SBF2: variants seen among roughly 807,000 people sequenced by gnomAD.
SBF2 encodes SET binding factor 2, also known as myotubularin-related protein 13.
Under a neutral mutation model 225.2 loss-of-function variants are expected in SBF2, and 112 were observed. That is an observed-to-expected ratio of 0.50 (90% CI 0.43 to 0.58). SBF2 has a LOEUF of 0.58. SBF2 is among the 20% of genes least tolerant of loss of function. The pLI is 0.00. For missense variants in SBF2, 1,996 were observed against 2,206.2 expected, an observed-to-expected ratio of 0.90 and a Z score of 1.91; for synonymous variants, 763 against 773.3, an observed-to-expected ratio of 0.99 and a Z score of 0.22.
intron 2 of SBF2, among the ~76,000 whole-genome samples, chr11:10,192,200 A>G (rs1339190559): frequency 6.6e-6 from 1 of 152,178 alleles, no homozygotes; most frequent in Admixed American, 6.5e-5. Context: ...GGGGAAAAAG[A>G]GAAAGGAATG....
chr11:10,272,276 T>A lies in SBF2; in HGVS notation c.55+21739A>T, dbSNP rs1489872184. The A allele has an allele frequency of 5.1e-6, 5 of 987,822 alleles. No homozygotes were observed. The East Asian group carries it at 1.5e-4, about 30-fold the overall frequency. The allele number at this position is 987,822 out of a possible 1,614,324, so 61.2% of individuals were successfully genotyped here. A position where few individuals can be genotyped will look rare whatever the true frequency, so the allele number is the denominator to read the frequency against. On this transcript the variant is annotated intron_variant, in intron 1 of 39. Coordinates refer to ENST00000256190, the MANE Select transcript of SBF2 (RefSeq NM_030962.4). ...GGAGGACATGGCGGCGGCGCTGGGC[T>A]CCTAGGGGCTGCAGCAATCTTGATT...
intron 2 of SBF2, among the ~76,000 whole-genome samples, chr11:10,173,663 C>T (rs537098055): frequency 3.6e-4 from 55 of 152,296 alleles, no homozygotes; most frequent in African/African-American, 1.3e-3. Context: ...CCCACCACAA[C>T]TCAAGGAGGC....
At position 9,932,001 on chromosome 11, in the gene SBF2, C is replaced by T. The variant is rs112752316; in HGVS notation, c.1860+29956G>A. ...TGACGCATGCACAAGCTTCAATACC[C>T]AATTCGATCAACTGGAAGAAAGGGT... On this transcript the variant is annotated intron_variant, in intron 16 of 39. Coordinates refer to ENST00000256190, the MANE Select transcript of SBF2 (RefSeq NM_030962.4). 4.0e-3 allele frequency among the ~76,000 whole-genome samples: 569 copies of T among 141,186 alleles called. 4 individuals carry two copies. The highest frequency in any genetic ancestry group is 0.016 in the African/African-American group (534 of 34,206). 92.6% of individuals were successfully genotyped at this position (141,186 alleles called of 152,430 possible). A position where few individuals can be genotyped will look rare whatever the true frequency, so the allele number is the denominator to read the frequency against.
intron 2 of SBF2, among the ~76,000 whole-genome samples, chr11:10,185,966 TG>T (rs1473042984): frequency 6.6e-6 from 1 of 152,194 alleles, no homozygotes; most frequent in Non-Finnish European, 1.5e-5. Context: ...AAAAACATTC[TG>T]GTTTGAATAA....
At chr11:10,224,241 T>A (rs953521340) in intron 1 of SBF2, among the ~76,000 whole-genome samples, 1 of 152,140 alleles carries the variant, frequency 6.6e-6, no homozygotes, top group Non-Finnish European at 1.5e-5. Context: ...AAAAGATCCA[T>A]GTATAAGTAG....
intron 2 of SBF2, among the ~76,000 whole-genome samples, chr11:10,180,605 AAT>A (rs1272462681): frequency 6.6e-6 from 1 of 152,082 alleles, no homozygotes. Flanking sequence ...CTTCAATATT[AAT>A]ATCTTTCTCT....
At chr11:10,101,271 T>C (rs1590957120) in intron 2 of SBF2, among the ~76,000 whole-genome samples, 1 of 152,124 alleles carries the variant, frequency 6.6e-6, no homozygotes, top group Non-Finnish European at 1.5e-5. Flanking sequence ...CTGGAGTGAA[T>C]CAAAGGCAAC....
chr11:9,944,449 C>G (rs945565431), intron 16 of SBF2, among the ~76,000 whole-genome samples: 2 of 152,166 alleles, frequency 1.3e-5, no homozygotes, highest in African/African-American at 2.4e-5. Flanking sequence ...AGTTGAGATG[C>G]AGAATGGGTA....
At chr11:9,833,483 C>G (rs549249098) in intron 26 of SBF2, among the ~76,000 whole-genome samples, 11 of 146,002 alleles carry the variant, frequency 7.5e-5, no homozygotes, top group Admixed American at 3.5e-4. Flanking sequence ...TGCAGTGGCA[C>G]GATCTCGGCC....
chr11:9,926,370 G>A (rs867965836), intron 16 of SBF2, among the ~76,000 whole-genome samples: 6 of 151,180 alleles, frequency 4.0e-5, no homozygotes, highest in Non-Finnish European at 8.8e-5. Flanking sequence ...TGGAAAGACT[G>A]AAAATCTTAA....
At chr11:10,258,546 A>T (rs1257630087) in intron 1 of SBF2, among the ~76,000 whole-genome samples, 1 of 152,334 alleles carries the variant, frequency 6.6e-6, no homozygotes, top group East Asian at 1.9e-4. Flanking sequence ...TAAAAAAAAA[A>T]TTTCACATGA....
At chr11:10,211,014 C>CA (rs1230619092) in intron 1 of SBF2, among the ~76,000 whole-genome samples, 5,760 of 33,030 alleles carry the variant, frequency 0.17, 935 homozygotes, top group East Asian at 0.44. Flanking sequence ...ACTCTTGACT[C>CA]AAAAAAAAAA....
intron 6 of SBF2, among the ~76,000 whole-genome samples, chr11:10,027,513 A>C (rs746343861): frequency 6.6e-6 from 1 of 152,226 alleles, no homozygotes; most frequent in African/African-American, 2.4e-5. Context: ...CAAGAAATTA[A>C]GAATTCCATG....
At chr11:10,114,197 G>C (rs1225039332) in intron 2 of SBF2, among the ~76,000 whole-genome samples, 2 of 152,002 alleles carry the variant, frequency 1.3e-5, no homozygotes, top group Non-Finnish European at 2.9e-5. Context: ...CATGTATTTA[G>C]AACATGCCTG....
At chr11:10,019,127 G>T (rs926302885) in intron 6 of SBF2, among the ~76,000 whole-genome samples, 1 of 152,040 alleles carries the variant, frequency 6.6e-6, no homozygotes. Context: ...TATATCCCCA[G>T]TGACTAACTC....
At chr11:9,849,560 G>A (rs1856780727) in intron 22 of SBF2, among the ~76,000 whole-genome samples, 1 of 152,190 alleles carries the variant, frequency 6.6e-6, no homozygotes, top group South Asian at 2.1e-4. Flanking sequence ...GGGAAGTGGA[G>A]TTAATTGGAA....
chr11:10,065,830 C>T (rs1950604587), intron 2 of SBF2, among the ~76,000 whole-genome samples: 1 of 152,088 alleles, frequency 6.6e-6, no homozygotes, highest in South Asian at 2.1e-4. Context: ...TGTCTGTAAT[C>T]CCAGCTACTC....
At chr11:10,072,245 A>C (rs1242850940) in intron 2 of SBF2, among the ~76,000 whole-genome samples, 1 of 152,238 alleles carries the variant, frequency 6.6e-6, no homozygotes, top group African/African-American at 2.4e-5. Flanking sequence ...GTAGATATTA[A>C]GACTATAGTT....
intron 3 of SBF2, among the ~76,000 whole-genome samples, chr11:10,037,619 T>C (rs1949492449): frequency 6.7e-6 from 1 of 150,262 alleles, no homozygotes; most frequent in South Asian, 2.1e-4. Context: ...GGTCAACTAG[T>C]GTACAGCAAC....
Sources: allele counts gnomAD v4.1 joint callset (sites outside exome capture counted in the v4.1 genomes callset), GRCh38; gene constraint gnomAD v4.1.1; transcripts MANE v1.5; gene names NCBI Gene and HGNC (gene_info 2026-07-23, HGNC 2026-07-21).